The following GCSAML variants were observed in gnomAD, a reference collection of about 807,000 sequenced individuals.
GCSAML encodes germinal center associated signaling and motility like.
A neutral mutation model predicts 13.0 loss-of-function variants in GCSAML; 9 were observed. The observed-to-expected ratio is 0.69, with a 90% CI of 0.42 to 1.21. The LOEUF is 1.21. Among genes scored for constraint, GCSAML ranks in the 50% most tolerant of loss-of-function variants. The pLI, the probability that GCSAML is intolerant of heterozygous loss-of-function variation, is 0.00. For synonymous variants in GCSAML, 37 were observed against 52.9 expected, an observed-to-expected ratio of 0.70 and a Z score of 1.31; for missense variants, 143 against 153.4, an observed-to-expected ratio of 0.93 and a Z score of 0.36.
intron 2 of GCSAML, chr1:247,531,562 A>AGCTT (rs1408145271): frequency 6.2e-7 from 1 of 1,613,496 alleles, no homozygotes; most frequent in South Asian, 1.1e-5. Flanking sequence ...AATTTGCGCC[A>AGCTT]GCTTGCCTGC....
In GCSAML at chr1:247,574,469, A is replaced by G. The variant is rs530828876; in HGVS notation, c.*87A>G. ...CGAAGTTGTTCACCCTGAGCAGTGC[A>G]TGAAACATTCCTTTCTGGCTAAAGT... On this transcript the variant is annotated 3_prime_UTR_variant, in exon 5 of 5. Transcript: ENST00000366488. 16 of 1,404,740 alleles carry G rather than the reference A, an allele frequency of 1.1e-5. No homozygotes were observed. Among genetic ancestry groups the G allele is most frequent in the Non-Finnish European group, 1.6e-5 (16 of 1,024,678 alleles). The allele number at this position is 1,404,740 out of a possible 1,614,324, so 87.0% of individuals were successfully genotyped here. A position where few individuals can be genotyped will look rare whatever the true frequency, so the allele number is the denominator to read the frequency against.
chr1:247,537,158 T>G (rs1422495298), intron 2 of GCSAML, among the ~76,000 whole-genome samples: 1 of 152,210 alleles, frequency 6.6e-6, no homozygotes, highest in African/African-American at 2.4e-5. Flanking sequence ...TGCCAGCCAC[T>G]AATCTGCTTT....
intron 4 of GCSAML, among the ~76,000 whole-genome samples, chr1:247,567,153 A>AT (rs1553307997): frequency 6.7e-6 from 1 of 149,580 alleles, no homozygotes; most frequent in South Asian, 2.1e-4. Context: ...TATATATTTT[A>AT]TTATTTATTT....
At chr1:247,542,537 G>A (rs1001635183) in intron 2 of GCSAML, among the ~76,000 whole-genome samples, 1 of 152,152 alleles carries the variant, frequency 6.6e-6, no homozygotes, top group African/African-American at 2.4e-5. Flanking sequence ...ATAGAAGAGC[G>A]AATTGCTCTC....
chr1:247,571,354 T>C (rs1190638617), intron 4 of GCSAML, among the ~76,000 whole-genome samples: 2 of 152,226 alleles, frequency 1.3e-5, no homozygotes, highest in African/African-American at 4.8e-5. Context: ...TTCCTTTGTA[T>C]ATTTAGTGCT....
chr1:247,532,223 C>T, intron 2 of GCSAML: 1 of 1,614,192 alleles, frequency 6.2e-7, no homozygotes. Flanking sequence ...ACCACACACC[C>T]TCCATAGCTT....
At chr1:247,554,180 C>T (rs144101435) in intron 1 of GCSAML, among the ~76,000 whole-genome samples, 329 of 152,278 alleles carry the variant, frequency 2.2e-3, no homozygotes, top group African/African-American at 7.6e-3. Flanking sequence ...ATTGTGTACG[C>T]AGCTGTGTAA....
chr1:247,554,942 A>T (rs1416395397), intron 1 of GCSAML, among the ~76,000 whole-genome samples: 1 of 152,200 alleles, frequency 6.6e-6, no homozygotes, highest in East Asian at 1.9e-4. Flanking sequence ...AGCTTAATAA[A>T]ATACCTATTT....
chr1:247,572,661 C>G (rs1668661807), intron 4 of GCSAML, among the ~76,000 whole-genome samples: 1 of 152,220 alleles, frequency 6.6e-6, no homozygotes, highest in African/African-American at 2.4e-5. Flanking sequence ...GAGGTGTTTC[C>G]TTGTCAGGAG....
At chr1:247,513,092 G>A (rs1017992213) in intron 1 of GCSAML, among the ~76,000 whole-genome samples, 2 of 152,212 alleles carry the variant, frequency 1.3e-5, no homozygotes, top group Non-Finnish European at 2.9e-5. Flanking sequence ...ATGTTTGTCT[G>A]CTGAAGCTGT....
chr1:247,568,345 T>C (rs1280269194), intron 4 of GCSAML, among the ~76,000 whole-genome samples: 1 of 152,206 alleles, frequency 6.6e-6, no homozygotes, highest in Non-Finnish European at 1.5e-5. Context: ...TTGAGTTAAT[T>C]TTTGTATAAG....
intron 4 of GCSAML, among the ~76,000 whole-genome samples, chr1:247,572,544 G>A (rs1375706021): frequency 6.6e-6 from 1 of 152,208 alleles, no homozygotes; most frequent in Non-Finnish European, 1.5e-5. Context: ...CTGCAGAACA[G>A]CAAAGATTGC....
At chr1:247,539,651 G>T (rs1469780048) in intron 2 of GCSAML, among the ~76,000 whole-genome samples, 2 of 152,086 alleles carry the variant, frequency 1.3e-5, no homozygotes, top group Non-Finnish European at 2.9e-5. Flanking sequence ...CTAATCAGGG[G>T]AGCCCTCGGC....
chr1:247,532,071 CA>C, intron 2 of GCSAML: 1 of 1,614,052 alleles, frequency 6.2e-7, no homozygotes, highest in Non-Finnish European at 8.5e-7. Flanking sequence ...GCCAGGAGGC[CA>C]AAGCTAGCCC....
chr1:247,545,253 C>A (rs921623195), upstream of GCSAML, among the ~76,000 whole-genome samples: 2 of 152,202 alleles, frequency 1.3e-5, no homozygotes, highest in Non-Finnish European at 2.9e-5. Flanking sequence ...CTTGGTCTGG[C>A]CCCATGCCTT....
chr1:247,511,400 T>C (rs1666031580), intron 1 of GCSAML, among the ~76,000 whole-genome samples: 1 of 152,180 alleles, frequency 6.6e-6, no homozygotes, highest in South Asian at 2.1e-4. Flanking sequence ...ATTTTGAGCT[T>C]ATGTGTGTCT....
rs576645193 is a variant in GCSAML at position 247,538,589 on chromosome 1, G to T, written c.-147-10456G>T. The T allele has an allele frequency of 5.8e-4, 207 of 357,676 alleles. 2 individuals carry two copies. The highest frequency in any genetic ancestry group is 4.3e-3 in the South Asian group (202 of 46,486). The allele number at this position is 357,676 out of a possible 1,614,324, so 22.2% of individuals were successfully genotyped here. Reference sequence around the variant, plus strand: ...TAAGAGTGGCAGCCTAATGTCATAAGATTGGAATACTTATAAAAAGAGTAA... The same window carrying T: ...TAAGAGTGGCAGCCTAATGTCATAATATTGGAATACTTATAAAAAGAGTAA... On this transcript the variant is annotated intron_variant, in intron 2 of 5. Transcript: ENST00000366489.
chr1:247,531,689 T>C lies in GCSAML; in HGVS notation c.-148+4635T>C, dbSNP rs915909000. ...GTGACTACGGTGTAGAACAGAGCTATGAACTTGCCCTGCTCATGGGAGGTG... is the reference window on the plus strand; with the variant it reads ...GTGACTACGGTGTAGAACAGAGCTACGAACTTGCCCTGCTCATGGGAGGTG... On this transcript the variant is annotated intron_variant, in intron 2 of 5. Coordinates refer to the GCSAML transcript ENST00000366489. 4 of 1,614,176 alleles carry C rather than the reference T, an allele frequency of 2.5e-6. No individual in the cohort carries two copies. In the Admixed American group the frequency reaches 5.0e-5, roughly 20 times the overall value.
At chr1:247,510,914 C>A (rs1264326747) in intron 1 of GCSAML, among the ~76,000 whole-genome samples, 1 of 152,068 alleles carries the variant, frequency 6.6e-6, no homozygotes, top group Non-Finnish European at 1.5e-5. Context: ...GTTTTACTTC[C>A]AATTATGTGG....
Sources: gnomAD v4.1 joint callset for allele counts (sites outside exome capture counted in the v4.1 genomes callset) on GRCh38, gnomAD v4.1.1 for gene constraint, MANE v1.5 for transcripts, NCBI Gene and HGNC (gene_info 2026-07-23, HGNC 2026-07-21) for gene names.